CCDC181: variants seen among roughly 807,000 people sequenced by gnomAD.
CCDC181 encodes the protein coiled-coil domain-containing protein 181.
A neutral mutation model predicts 58.7 loss-of-function variants in CCDC181; 35 were observed. The observed-to-expected ratio is 0.60, with a 90% CI of 0.46 to 0.79. CCDC181 has a LOEUF of 0.79. Ranked by LOEUF, CCDC181 falls within the 30% of genes least tolerant of loss-of-function variation. The pLI is 0.00. For missense variants in CCDC181, 517 were observed against 583.9 expected (o/e 0.89, Z 1.18); for synonymous variants, 183 against 197.5 (o/e 0.93, Z 0.62).
intron 2 of CCDC181, among the ~76,000 whole-genome samples, chr1:169,447,852 CT>C (rs1657418420): frequency 1.3e-5 from 2 of 152,086 alleles, no homozygotes. Flanking sequence ...CATAGTATAT[CT>C]TTTTCCATCC....
chr1:169,434,849 C>G (rs1461621641), intron 2 of CCDC181, among the ~76,000 whole-genome samples: 1 of 151,998 alleles, frequency 6.6e-6, no homozygotes, highest in Non-Finnish European at 1.5e-5. Context: ...CATAAAAACA[C>G]AATATTGTGT....
intron 4 of CCDC181, among the ~76,000 whole-genome samples, chr1:169,415,004 G>A (rs1430630391): frequency 1.3e-5 from 2 of 151,712 alleles, no homozygotes; most frequent in Non-Finnish European, 2.9e-5. Context: ...ATATTCAAAG[G>A]GAAATATATA....
At chr1:169,416,377 TG>T (rs1218963762) in intron 4 of CCDC181, among the ~76,000 whole-genome samples, 1 of 152,164 alleles carries the variant, frequency 6.6e-6, no homozygotes, top group African/African-American at 2.4e-5. Context: ...ATGCTTATTA[TG>T]TTTTTTTCCG....
intron 2 of CCDC181, among the ~76,000 whole-genome samples, chr1:169,457,519 A>G (rs889756482): frequency 6.6e-5 from 10 of 152,138 alleles, no homozygotes; most frequent in Non-Finnish European, 1.5e-4. Flanking sequence ...AATCAAACCA[A>G]TTTTACCATA....
At chr1:169,416,767 A>G (rs1656234320) in intron 4 of CCDC181, among the ~76,000 whole-genome samples, 3 of 152,282 alleles carry the variant, frequency 2.0e-5, no homozygotes, top group East Asian at 1.9e-4. Flanking sequence ...AAATTTCTCC[A>G]TATTTCCTCT....
intron 2 of CCDC181, among the ~76,000 whole-genome samples, chr1:169,439,416 T>C (rs931012178): frequency 6.6e-6 from 1 of 152,180 alleles, no homozygotes; most frequent in Non-Finnish European, 1.5e-5. Context: ...TCCATTCATA[T>C]TATGAAATGG....
chr1:169,444,364 T>G (rs1213483939), intron 2 of CCDC181, among the ~76,000 whole-genome samples: 3 of 152,192 alleles, frequency 2.0e-5, no homozygotes, highest in African/African-American at 7.2e-5. Context: ...AAACTTGTTA[T>G]CCTCGCATTA....
chr1:169,455,205 G>A (rs562753682), intron 2 of CCDC181, among the ~76,000 whole-genome samples: 11 of 151,476 alleles, frequency 7.3e-5, no homozygotes, highest in Non-Finnish European at 1.3e-4. Flanking sequence ...TTCAAGGCTC[G>A]TATGTTTTCA....
chr1:169,438,885 A>G (rs1657127941), intron 2 of CCDC181, among the ~76,000 whole-genome samples: 1 of 152,210 alleles, frequency 6.6e-6, no homozygotes, highest in Non-Finnish European at 1.5e-5. Flanking sequence ...CACAAAGATG[A>G]GACAGACAGA....
intron 2 of CCDC181, among the ~76,000 whole-genome samples, chr1:169,449,232 C>T (rs762543188): frequency 6.6e-6 from 1 of 152,098 alleles, no homozygotes; most frequent in Non-Finnish European, 1.5e-5. Flanking sequence ...GAAAGCTAGA[C>T]ATGATCAGAT....
intron 2 of CCDC181, among the ~76,000 whole-genome samples, chr1:169,433,548 A>G (rs1167071523): frequency 6.6e-6 from 1 of 152,068 alleles, no homozygotes; most frequent in African/African-American, 2.4e-5. Context: ...TAAAGCTAAA[A>G]TAATTTAAAC....
intron 2 of CCDC181, among the ~76,000 whole-genome samples, chr1:169,436,036 A>G (rs73049178): frequency 0.029 from 4,478 of 152,294 alleles, 186 homozygotes; most frequent in African/African-American, 0.1. Flanking sequence ...TGTGAAAGCA[A>G]TAATGCAAAG....
At chr1:169,404,900 T>G (rs913062195) in intron 4 of CCDC181, among the ~76,000 whole-genome samples, 1 of 152,200 alleles carries the variant, frequency 6.6e-6, no homozygotes, top group South Asian at 2.1e-4. Flanking sequence ...TGATTGTATA[T>G]TTAGAAACCC....
chr1:169,429,237 T>C (rs957576647), upstream of CCDC181, among the ~76,000 whole-genome samples: 3 of 152,242 alleles, frequency 2.0e-5, no homozygotes, highest in Non-Finnish European at 4.4e-5. Flanking sequence ...TCTTTATTTT[T>C]GTAATTGCGA....
At chr1:169,422,588 A>C (rs1656530191) in intron 2 of CCDC181, among the ~76,000 whole-genome samples, 1 of 152,176 alleles carries the variant, frequency 6.6e-6, no homozygotes, top group African/African-American at 2.4e-5. Context: ...ATGTATCAAA[A>C]GGTAACTACA....
intron 2 of CCDC181, among the ~76,000 whole-genome samples, chr1:169,450,615 A>T (rs919100545): frequency 6.6e-6 from 1 of 152,210 alleles, no homozygotes; most frequent in African/African-American, 2.4e-5. Context: ...TGCTATAAGA[A>T]TGTGCATACA....
intron 3 of CCDC181, among the ~76,000 whole-genome samples, chr1:169,420,272 A>C (rs1656397214): frequency 1.3e-5 from 2 of 152,228 alleles, no homozygotes; most frequent in African/African-American, 4.8e-5. Flanking sequence ...ACCTGAATCA[A>C]GTAAACTTAG....
intron 2 of CCDC181, among the ~76,000 whole-genome samples, chr1:169,447,738 CCTT>C (rs1657414918): frequency 6.6e-6 from 1 of 152,078 alleles, no homozygotes; most frequent in Admixed American, 6.6e-5. Context: ...GAATTGATTT[CCTT>C]ATTATGTAAT....
rs571195312 is a variant in CCDC181, at chr1:169,459,289, A to G, written c.-24+508T>C. Among the ~76,000 whole-genome samples, 20 of 152,304 alleles carry G rather than the reference A, an allele frequency of 1.3e-4. 1 individual carries two copies. Among genetic ancestry groups the G allele is most frequent in the African/African-American group, 3.8e-4 (16 of 41,564 alleles). On this transcript the variant is annotated intron_variant, in intron 2 of 6. Transcript: ENST00000545005. Reference sequence around the variant, plus strand: ...GGTGTCCCCTTCTTTGTGCTTTCCTATTCCACACTGTGGATAACTCTATCA... The same window carrying G: ...GGTGTCCCCTTCTTTGTGCTTTCCTGTTCCACACTGTGGATAACTCTATCA...
Sources: allele counts gnomAD v4.1 joint callset (sites outside exome capture counted in the v4.1 genomes callset), GRCh38; gene constraint gnomAD v4.1.1; transcripts MANE v1.5; gene names NCBI Gene and HGNC (gene_info 2026-07-23, HGNC 2026-07-21).